The following OR2T12 variants were observed in gnomAD, a reference collection of about 807,000 sequenced individuals.
OR2T12 encodes olfactory receptor 2T12.
For missense variants in OR2T12, 335 were observed against 404.3 expected, an observed-to-expected ratio of 0.83 and a Z score of 1.47; for synonymous variants, 127 against 160.5, an observed-to-expected ratio of 0.79 and a Z score of 1.58.
In OR2T12 at chr1:248,297,317, G is replaced by A. The variant is rs188124386; in HGVS notation, c.-8-1731C>T. 1.9e-3 allele frequency among the ~76,000 whole-genome samples: 293 copies of A among 152,186 alleles called. 1 individual carries two copies. The highest frequency in any genetic ancestry group is 6.7e-3 in the African/African-American group (280 of 41,544). On this transcript the variant is annotated intron_variant, in intron 2 of 2. Transcript: ENST00000641276. ...CCTCCAGCTTTGTTCTTTTCGCTTA[G>A]GATTGACTTGGTGATGTGGGCTCTT...
chr1:248,301,827 T>G (rs1158403515), intron 1 of OR2T12, among the ~76,000 whole-genome samples: 1 of 152,130 alleles, frequency 6.6e-6, no homozygotes, highest in East Asian at 1.9e-4. Context: ...AGAGGAGTCA[T>G]CAGATTTCAT....
Position 248,293,638 on chromosome 1 carries a change from C to T in OR2T12, c.*978G>A, listed in dbSNP as rs1376667078. ...TATGCCTTGGGAGAAGTAAGGTAAC[C>T]CAATAATGTATAAGGTTGTTGAGTC... On this transcript the variant is annotated 3_prime_UTR_variant, in exon 3 of 3. Transcript: ENST00000641276. 1 of 152,020 alleles carries T rather than the reference C, an allele frequency of 6.6e-6. No homozygotes were observed. The highest frequency in any genetic ancestry group is 1.5e-5 in the Non-Finnish European group (1 of 68,002). The allele number at this position is 152,020 out of a possible 1,614,324, so 9.4% of individuals were successfully genotyped here. A position where few individuals can be genotyped will look rare whatever the true frequency, so the allele number is the denominator to read the frequency against.
chr1:248,296,716 G>T (rs538097054), intron 2 of OR2T12, among the ~76,000 whole-genome samples: 4 of 151,938 alleles, frequency 2.6e-5, no homozygotes, highest in East Asian at 3.8e-4. Context: ...GTTTTTTCTC[G>T]TAAATTTGTT....
chr1:248,299,626 C>T (rs1445491920), intron 2 of OR2T12, among the ~76,000 whole-genome samples: 16 of 152,108 alleles, frequency 1.1e-4, no homozygotes, highest in African/African-American at 1.7e-4. Context: ...GACAGATCAA[C>T]GAGACAGAAA....
At chr1:248,297,518 C>G (rs1361609400) in intron 2 of OR2T12, among the ~76,000 whole-genome samples, 1 of 152,148 alleles carries the variant, frequency 6.6e-6, no homozygotes, top group African/African-American at 2.4e-5. Context: ...TTTGTAACCT[C>G]TTTTATTTCA....
chr1:248,297,996 A>G (rs1659759210), intron 2 of OR2T12, among the ~76,000 whole-genome samples: 1 of 151,336 alleles, frequency 6.6e-6, no homozygotes, highest in Non-Finnish European at 1.5e-5. Context: ...TTTGTCATAG[A>G]TAGCTCTTAT....
rs369908991 is a variant in OR2T12 at position 248,294,849 on chromosome 1, C to A, written c.730G>T (p.Ala244Ser). 2.5e-5 allele frequency: 40 copies of A among 1,612,868 alleles called. No homozygotes were observed. Among genetic ancestry groups the A allele is most frequent in the Middle Eastern group, 3.9e-4 (2 of 5,194 alleles). ...KAFATCSSHVAVVGLFYGAGI... is the reference protein window; with the variant it reads ...KAFATCSSHVSVVGLFYGAGI... ...GCTCCATAAAAGAGTCCCACCACAG[C>A]CACATGTGAAGAGCAGGTGGCAAAG... The change falls in exon 3 of 3, where the codon GCT (alanine) becomes TCT (serine). Residue 244 changes from alanine (A) to serine (S), a missense_variant. Ala to Ser is a moderately conservative substitution (Grantham distance 99). Transcript: ENST00000641276.
Position 248,292,153 on chromosome 1 carries a change from C to T in OR2T12, c.*2463G>A, listed in dbSNP as rs1242891066. Reference sequence around the variant, plus strand: ...TAGTCGGAGCCACAACATTATGTTTCTTAATGACTTAAAAATTACACATTA... The same window carrying T: ...TAGTCGGAGCCACAACATTATGTTTTTTAATGACTTAAAAATTACACATTA... On this transcript the variant is annotated 3_prime_UTR_variant, in exon 3 of 3. Coordinates refer to ENST00000641276, the MANE Select transcript of OR2T12 (RefSeq NM_001004692.2). 6.6e-6 allele frequency: 1 copy of T among 151,978 alleles called. No individual in the cohort carries two copies. Among genetic ancestry groups the T allele is most frequent in the East Asian group, 1.9e-4 (1 of 5,194 alleles). 9.4% of individuals were successfully genotyped at this position (151,978 alleles called of 1,614,324 possible).
chr1:248,300,480 T>C (rs534406401), intron 2 of OR2T12, among the ~76,000 whole-genome samples: 1 of 152,262 alleles, frequency 6.6e-6, no homozygotes, highest in African/African-American at 2.4e-5. Flanking sequence ...GGATCTTTAG[T>C]GTTGTGGGTT....
intron 1 of OR2T12, 82 bp downstream of exon 1, chr1:248,303,264 A>G (rs553889643): frequency 6.6e-6 from 1 of 152,310 alleles, no homozygotes; most frequent in Non-Finnish European, 1.5e-5. Context: ...AATGATTAAG[A>G]AATGAAATTA....
At chr1:248,298,594 C>G (rs947983797) in intron 2 of OR2T12, among the ~76,000 whole-genome samples, 1 of 150,936 alleles carries the variant, frequency 6.6e-6, no homozygotes, top group African/African-American at 2.4e-5. Context: ...GTGTATGTGT[C>G]GAGGAATTTA....
chr1:248,294,557 G>A lies in OR2T12; in HGVS notation c.*59C>T. 6.5e-7 allele frequency: 1 copy of A among 1,540,422 alleles called. No individual in the cohort carries two copies. Among genetic ancestry groups the A allele is most frequent in the Non-Finnish European group, 8.7e-7 (1 of 1,143,736 alleles). On this transcript the variant is annotated 3_prime_UTR_variant, in exon 3 of 3. Transcript: ENST00000641276. ...CTCTTCATGAATTACTAAAGGGAGAGAATTACATAGTGTTAAAATGTTAAT... is the reference window on the plus strand; with the variant it reads ...CTCTTCATGAATTACTAAAGGGAGAAAATTACATAGTGTTAAAATGTTAAT...
chr1:248,301,884 A>C (rs1008851375), intron 1 of OR2T12, among the ~76,000 whole-genome samples: 6 of 152,136 alleles, frequency 3.9e-5, no homozygotes, highest in Admixed American at 6.5e-5. Context: ...ATTGTAACAC[A>C]AAATTCTTGA....
At position 248,294,443 on chromosome 1, in the gene OR2T12, A is replaced by G. The variant is rs1486058390; in HGVS notation, c.*173T>C. 7 of 799,078 alleles carry G rather than the reference A, an allele frequency of 8.8e-6. No individual in the cohort carries two copies. The highest frequency in any genetic ancestry group is 8.2e-5 in the Admixed American group (3 of 36,694). The allele number at this position is 799,078 out of a possible 1,614,324, so 49.5% of individuals were successfully genotyped here. A position where few individuals can be genotyped will look rare whatever the true frequency, so the allele number is the denominator to read the frequency against. ...TATTACTTCACTTGAAGAAAAGTACATAAATGCTCAAAAATGGTATCTGTC... is the reference window on the plus strand; with the variant it reads ...TATTACTTCACTTGAAGAAAAGTACGTAAATGCTCAAAAATGGTATCTGTC... On this transcript the variant is annotated 3_prime_UTR_variant, in exon 3 of 3. Transcript: ENST00000641276.
rs545261389 is a variant in OR2T12, at chr1:248,293,338, C to T, written c.*1278G>A. The T allele has an allele frequency of 6.6e-5, 10 of 152,218 alleles. No individual in the cohort carries two copies. The highest frequency in any genetic ancestry group is 2.4e-4 in the African/African-American group (10 of 41,536). The allele number at this position is 152,218 out of a possible 1,614,324, so 9.4% of individuals were successfully genotyped here. ...CACTTATATTGAAGATACATTGTCC[C>T]TGGAAGCTCTTAGTTATTTCCTCCT... On this transcript the variant is annotated 3_prime_UTR_variant, in exon 3 of 3. Transcript: ENST00000641276.
chr1:248,291,300 TAGAC>T lies in OR2T12; in HGVS notation c.*3312_*3315del, dbSNP rs1243289551. ...CACAAGCTTTCCCATACACCAATAA[TAGAC>T]AGAGAGCCAAATCATGAGTGAATTC... On this transcript the variant is annotated 3_prime_UTR_variant, in exon 3 of 3. Coordinates refer to ENST00000641276, the MANE Select transcript of OR2T12 (RefSeq NM_001004692.2). 2.0e-5 allele frequency: 3 copies of T among 151,562 alleles called. No individual in the cohort carries two copies. The highest frequency in any genetic ancestry group is 4.4e-5 in the Non-Finnish European group (3 of 67,910). The allele number at this position is 151,562 out of a possible 1,614,324, so 9.4% of individuals were successfully genotyped here.
At chr1:248,295,869 T>C (rs1659718131) in intron 2 of OR2T12, among the ~76,000 whole-genome samples, 1 of 152,196 alleles carries the variant, frequency 6.6e-6, no homozygotes, top group South Asian at 2.1e-4. Context: ...TTTTTTTAAT[T>C]ATACTTTAAG....
At position 248,294,614 on chromosome 1, in the gene OR2T12, G is replaced by A; in HGVS notation, c.*2C>T. ...AGGAACTTAGACTCATCTGACACTA[G>A]ATCATCTTGACCTGTGGGCCTCATT... On this transcript the variant is annotated 3_prime_UTR_variant, in exon 3 of 3. Coordinates refer to ENST00000641276, the MANE Select transcript of OR2T12 (RefSeq NM_001004692.2). The A allele has an allele frequency of 1.2e-6, 2 of 1,612,662 alleles. No homozygotes were observed. The highest frequency in any genetic ancestry group is 2.2e-5 in the South Asian group (2 of 90,966).
Position 248,295,377 on chromosome 1 carries a change from C to A in OR2T12, c.202G>T (p.Asp68Tyr), listed in dbSNP as rs1222315829. The change falls in exon 3 of 3, where the codon GAC (aspartate) becomes TAC (tyrosine). Residue 68 changes from aspartate to tyrosine, a missense_variant. Asp to Tyr is a radical substitution (Grantham distance 160, BLOSUM62 -3). Transcript: ENST00000641276. ...ACAGTGGTGGAAACCAGCATCATGT[C>A]CATGAGGGAAAGTTGGCTCAGGAGG... The part of the protein sequence containing the change: ...YFLLSQLSLM[D>Y]MMLVSTTVPK... The A allele has an allele frequency of 1.9e-6, 3 of 1,588,130 alleles. No homozygotes were observed. The highest frequency in any genetic ancestry group is 2.2e-5 in the South Asian group (2 of 89,602).
Sources: gnomAD v4.1 joint callset for allele counts (sites outside exome capture counted in the v4.1 genomes callset) on GRCh38, gnomAD v4.1.1 for gene constraint, MANE v1.5 for transcripts, NCBI Gene and HGNC (gene_info 2026-07-23, HGNC 2026-07-21) for gene names.